Variants in IFT57 observed in about 807,000 individuals in gnomAD.
IFT57 encodes intraflagellar transport protein 57 homolog.
Under a neutral mutation model 56.8 loss-of-function variants are expected in IFT57, and 59 were observed. The observed-to-expected ratio is 1.04, with a 90% confidence interval of 0.84 to 1.29. The LOEUF (loss-of-function observed/expected upper bound fraction) is 1.29. Ranked by LOEUF, IFT57 falls within the 50% of genes most tolerant of loss-of-function variation. The pLI, the probability that IFT57 is intolerant of heterozygous loss-of-function variation, is 0.00. For synonymous variants in IFT57, 209 were observed against 186.1 expected, an observed-to-expected ratio of 1.12 and a Z score of -1.00; for missense variants, 470 against 522.1, an observed-to-expected ratio of 0.90 and a Z score of 0.97.
intron 5 of IFT57, 73 bp from the exon 6 acceptor site, chr3:108,191,716 G>T: frequency 1.1e-6 from 1 of 941,928 alleles, no homozygotes; most frequent in Non-Finnish European, 1.5e-6. Flanking sequence ...CATTTTAGCA[G>T]TACTGCACAA....
chr3:108,196,848 C>T (rs142342153), intron 5 of IFT57, among the ~76,000 whole-genome samples: 46 of 152,304 alleles, frequency 3.0e-4, no homozygotes, highest in Non-Finnish European at 5.4e-4. Flanking sequence ...TCATTCCTCA[C>T]TCAACATTTC....
At chr3:108,201,326 C>A (rs2080277535) in intron 5 of IFT57, among the ~76,000 whole-genome samples, 1 of 152,204 alleles carries the variant, frequency 6.6e-6, no homozygotes, top group African/African-American at 2.4e-5. Context: ...AAAAGCTACA[C>A]TGAAGATCAA....
intron 6 of IFT57, among the ~76,000 whole-genome samples, chr3:108,174,625 G>T (rs776671334): frequency 5.0e-4 from 76 of 151,804 alleles, no homozygotes; most frequent in Non-Finnish European, 9.9e-4. Flanking sequence ...ACACTTTCCT[G>T]CTTCATTGAT....
rs372553451 is a variant in IFT57 at position 108,191,513 on chromosome 3, T to C, written c.777+8A>G. The stretch of plus-strand genomic sequence containing the variant: ...TTTTTTTAAGAAAATGTGTTCCCAC[T>C]TTGATACCTTATTGTCAGTCCTAAT... On this transcript the variant is annotated splice_region_variant and intron_variant, in intron 6 of 10. Transcript: ENST00000264538. 64 of 1,558,618 alleles carry C rather than the reference T, an allele frequency of 4.1e-5. No homozygotes were observed. Among genetic ancestry groups the C allele is most frequent in the Non-Finnish European group, 5.4e-5 (62 of 1,156,424 alleles).
At chr3:108,181,758 G>C (rs533299605) in intron 6 of IFT57, among the ~76,000 whole-genome samples, 1 of 152,194 alleles carries the variant, frequency 6.6e-6, no homozygotes, top group South Asian at 2.1e-4. Context: ...AAACATTTGT[G>C]ACAGTAATTG....
At position 108,213,809 on chromosome 3, in the gene IFT57, C is replaced by T. The variant is rs1233889742; in HGVS notation, c.585+122G>A. ...TGATACTCAGCACTGTATTTAAAAG[C>T]TTTTCTTCTTTAGAAACAATGAAAT... On this transcript the variant is annotated intron_variant, in intron 4 of 10. Coordinates refer to ENST00000264538, the MANE Select transcript of IFT57 (RefSeq NM_018010.4). 7.9e-6 allele frequency: 5 copies of T among 632,990 alleles called. No homozygotes were observed. In the East Asian group the frequency reaches 1.4e-4, roughly 17 times the overall value. The allele number at this position is 632,990 out of a possible 1,614,324, so 39.2% of individuals were successfully genotyped here. A position where few individuals can be genotyped will look rare whatever the true frequency, so the allele number is the denominator to read the frequency against.
At chr3:108,213,482 A>C (rs1331151975) in intron 4 of IFT57, among the ~76,000 whole-genome samples, 1 of 151,784 alleles carries the variant, frequency 6.6e-6, no homozygotes. Flanking sequence ...AAACAACTTA[A>C]ATAATGTTGA....
rs1263373139 is a variant in IFT57 at position 108,166,936 on chromosome 3, A to G, written c.899T>C (p.Ile300Thr). The change falls in exon 8 of 11, where the codon ATC (isoleucine) becomes ACC (threonine). Residue 300 changes from isoleucine (I) to threonine (T), a missense_variant. By Grantham distance (89) the Ile-to-Thr change is moderately conservative. Coordinates refer to ENST00000264538, the MANE Select transcript of IFT57 (RefSeq NM_018010.4). ...GTTGATGTACTTTTCTCGGCTGCTG[A>G]TCTTTTCCAAAGTCCTAGTAATTTC... ...HNEITRTLEK[I>T]SSREKYINNQ... is the part of the protein sequence containing the mutation. The G allele has an allele frequency of 3.1e-6, 5 of 1,611,462 alleles. No homozygotes were observed. Among genetic ancestry groups the G allele is most frequent in the Non-Finnish European group, 4.2e-6 (5 of 1,178,546 alleles).
At chr3:108,176,736 C>T (rs326335) in intron 6 of IFT57, among the ~76,000 whole-genome samples, 132,971 of 151,792 alleles carry the variant, frequency 0.88, 59,288 homozygotes, top group Non-Finnish European at 0.97. Flanking sequence ...ACAGTTTCTT[C>T]TGTGTTATCC....
Position 108,218,664 on chromosome 3 carries a change from A to T in IFT57, c.376-11T>A. The T allele has an allele frequency of 7.2e-7, 1 of 1,384,376 alleles. No homozygotes were observed. The highest frequency in any genetic ancestry group is 1.4e-5 in the South Asian group (1 of 72,490). 85.8% of individuals were successfully genotyped at this position (1,384,376 alleles called of 1,614,324 possible). A position where few individuals can be genotyped will look rare whatever the true frequency, so the allele number is the denominator to read the frequency against. On this transcript the variant is annotated splice_polypyrimidine_tract_variant and intron_variant, in intron 2 of 10. Transcript: ENST00000264538. ...ATCTGCAGTTCTTCCCTGAAAAACA[A>T]AAGAAAAAACAGGGTATTATTTGTT...
chr3:108,190,321 C>T (rs72933723), intron 6 of IFT57, among the ~76,000 whole-genome samples: 209 of 152,280 alleles, frequency 1.4e-3, no homozygotes, highest in African/African-American at 4.8e-3. Flanking sequence ...CATGGTTTAG[C>T]TTTGTGTCCC....
At chr3:108,201,057 A>G (rs1379922751) in intron 5 of IFT57, among the ~76,000 whole-genome samples, 1 of 152,196 alleles carries the variant, frequency 6.6e-6, no homozygotes, top group Admixed American at 6.5e-5. Flanking sequence ...TCAAAACAAG[A>G]CTGGGTAGAA....
intron 6 of IFT57, among the ~76,000 whole-genome samples, chr3:108,187,256 A>G (rs1337425380): frequency 2.6e-5 from 4 of 152,210 alleles, no homozygotes; most frequent in African/African-American, 7.2e-5. Flanking sequence ...TATTCTGTTT[A>G]AGCTAATATT....
intron 5 of IFT57, among the ~76,000 whole-genome samples, chr3:108,196,104 C>T (rs1293544295): frequency 6.6e-6 from 1 of 151,842 alleles, no homozygotes; most frequent in Non-Finnish European, 1.5e-5. Flanking sequence ...ATCACATACA[C>T]CCCATAAATA....
At chr3:108,202,800 A>G (rs1039814277) in intron 5 of IFT57, among the ~76,000 whole-genome samples, 11 of 152,200 alleles carry the variant, frequency 7.2e-5, no homozygotes, top group Admixed American at 2.6e-4. Context: ...CCTCAAATAA[A>G]TGTTCTGAAA....
intron 4 of IFT57, among the ~76,000 whole-genome samples, chr3:108,209,617 C>T (rs2080332925): frequency 6.6e-6 from 1 of 152,208 alleles, no homozygotes. Flanking sequence ...CTGAGTAAAG[C>T]AGGTTGCTAT....
chr3:108,163,276 C>G (rs761634107), intron 10 of IFT57, among the ~76,000 whole-genome samples: 5 of 152,074 alleles, frequency 3.3e-5, no homozygotes, highest in Non-Finnish European at 7.4e-5. Context: ...TACGGGTTAT[C>G]ACATCACTGC....
chr3:108,222,210 T>A lies in IFT57; in HGVS notation c.113A>T (p.Tyr38Phe). The A allele has an allele frequency of 6.2e-7, 1 of 1,614,074 alleles. No individual in the cohort carries two copies. The part of the protein sequence containing the change: ...VVLERGPGAA[Y>F]HMFVVMEDLV... ...GTCCTCCATCACCACGAACATGTGG[T>A]AGGCCGCGCCGGGCCCCCGCTCCAA... Residue 38 changes from tyrosine (Y) to phenylalanine (F), a missense_variant, in exon 1 of 11, where the codon TAC becomes TTC. Transcript: ENST00000264538.
intron 6 of IFT57, among the ~76,000 whole-genome samples, chr3:108,170,825 TAG>T (rs1275980215): frequency 6.6e-6 from 1 of 151,818 alleles, no homozygotes; most frequent in Non-Finnish European, 1.5e-5. Context: ...TGGAACAGAA[TAG>T]AGACCTCAGA....
Sources: gnomAD v4.1 joint callset for allele counts (sites outside exome capture counted in the v4.1 genomes callset) on GRCh38, gnomAD v4.1.1 for gene constraint, MANE v1.5 for transcripts, NCBI Gene and HGNC (gene_info 2026-07-23, HGNC 2026-07-21) for gene names.